TENM3: variants seen among roughly 807,000 people sequenced by gnomAD.
The protein encoded by TENM3 is teneurin-3.
In TENM3, 63 loss-of-function variants were observed where a neutral mutation model predicts 255.1. The ratio of observed to expected loss-of-function variants is 0.25; its 90% CI spans 0.20 to 0.30. TENM3 has a LOEUF of 0.30. Ranked by LOEUF, TENM3 falls within the 10% of genes least tolerant of loss-of-function variation. The pLI, the probability that TENM3 is intolerant of heterozygous loss-of-function variation, is 1.00. For missense variants in TENM3, 2,929 were observed against 3,461.1 expected (o/e 0.85, Z 3.86); for synonymous variants, 1,306 against 1,322.3 (o/e 0.99, Z 0.27).
the TENM3 span, among the ~76,000 whole-genome samples, chr4:181,851,471 C>CAA: frequency 3.3e-5 from 5 of 152,172 alleles, no homozygotes; most frequent in Non-Finnish European, 7.3e-5. Context: ...TGTGTCATTT[C>CAA]AAATCTGATG....
the TENM3 span, among the ~76,000 whole-genome samples, chr4:181,666,192 A>T: frequency 2.0e-5 from 3 of 152,216 alleles, no homozygotes; most frequent in Non-Finnish European, 4.4e-5. Flanking sequence ...TCTGGCAGAG[A>T]TTCATAAAAT....
intron 7 of TENM3, among the ~76,000 whole-genome samples, chr4:182,679,048 A>ACTG (rs1203360089): frequency 7.2e-5 from 11 of 152,146 alleles, no homozygotes; most frequent in East Asian, 3.9e-4. Flanking sequence ...ACATCACCCC[A>ACTG]GGGCCTGTCA....
At chr4:182,190,750 C>T (rs1283938452) in intron 1 of TENM3, among the ~76,000 whole-genome samples, 2 of 151,910 alleles carry the variant, frequency 1.3e-5, no homozygotes, top group African/African-American at 2.4e-5. Context: ...AGTGAAATAA[C>T]CCTGGCATAA....
chr4:181,710,586 G>A, the TENM3 span, among the ~76,000 whole-genome samples: 2 of 152,166 alleles, frequency 1.3e-5, no homozygotes, highest in East Asian at 2.0e-4. Flanking sequence ...ATGGTGGCAG[G>A]TGCCTGTAGT....
chr4:182,659,829 C>T lies in TENM3; in HGVS notation c.1111+5936C>T, dbSNP rs184600848. On this transcript the variant is annotated intron_variant, in intron 6 of 27. Coordinates refer to ENST00000511685, the MANE Select transcript of TENM3 (RefSeq NM_001080477.4). ...AGAAGCCTTTAAATGACTTACAAGG[C>T]TCTCCACAGCCTGGCTGTACATCAC... Among the ~76,000 whole-genome samples the T allele has an allele frequency of 1.6e-3, 239 of 152,292 alleles. 1 individual carries two copies. The highest frequency in any genetic ancestry group is 5.6e-3 in the African/African-American group (233 of 41,562).
At chr4:181,480,939 G>C in the TENM3 span, among the ~76,000 whole-genome samples, 1 of 151,340 alleles carries the variant, frequency 6.6e-6, no homozygotes, top group South Asian at 2.1e-4. Context: ...AAAGGGTGAA[G>C]GAAATAATTA....
the TENM3 span, among the ~76,000 whole-genome samples, chr4:181,617,206 A>G: frequency 1.3e-5 from 2 of 152,260 alleles, no homozygotes; most frequent in Non-Finnish European, 2.9e-5. Flanking sequence ...CAAATATTTC[A>G]TCATATTCAG....
chr4:181,979,867 T>G, the TENM3 span, among the ~76,000 whole-genome samples: 1,027 of 152,262 alleles, frequency 6.7e-3, 9 homozygotes, highest in African/African-American at 0.024. Flanking sequence ...GTTTGTTTGT[T>G]TGTTCGTTTT....
chr4:182,712,438 A>C (rs1397141661), intron 12 of TENM3, among the ~76,000 whole-genome samples: 4 of 152,004 alleles, frequency 2.6e-5, no homozygotes, highest in Non-Finnish European at 2.9e-5. Flanking sequence ...ATTAAAAAAA[A>C]AAAAAAAAAA....
chr4:182,129,125 A>G, the TENM3 span, among the ~76,000 whole-genome samples: 1 of 152,260 alleles, frequency 6.6e-6, no homozygotes, highest in Admixed American at 6.5e-5. Context: ...TGTGCAAAGT[A>G]TATGACTATT....
the TENM3 span, among the ~76,000 whole-genome samples, chr4:182,132,640 A>G: frequency 4.6e-5 from 7 of 152,244 alleles, no homozygotes; most frequent in Non-Finnish European, 1.0e-4. Flanking sequence ...TCTCAAAAGC[A>G]GACTCAAGCA....
At chr4:181,958,323 C>T in the TENM3 span, among the ~76,000 whole-genome samples, 2 of 152,170 alleles carry the variant, frequency 1.3e-5, no homozygotes, top group African/African-American at 4.8e-5. Context: ...ATTTTCAGGT[C>T]TTTTTGTTTG....
chr4:182,744,669 C>A (rs1383512451), intron 19 of TENM3, among the ~76,000 whole-genome samples: 1 of 152,064 alleles, frequency 6.6e-6, no homozygotes, highest in Non-Finnish European at 1.5e-5. Context: ...GTGAGAGGCC[C>A]CAAAACTGAA....
the TENM3 span, among the ~76,000 whole-genome samples, chr4:181,779,260 GTTATTTATTTAT>G: frequency 1.2e-4 from 17 of 141,258 alleles, no homozygotes; most frequent in South Asian, 1.4e-3. Context: ...TTTACTTTAA[GTTATTTATTTAT>G]TTATTTATTT....
intron 3 of TENM3, among the ~76,000 whole-genome samples, chr4:182,479,957 A>G (rs1734036555): frequency 6.6e-6 from 1 of 152,022 alleles, no homozygotes; most frequent in Non-Finnish European, 1.5e-5. Context: ...TAGAAAATAA[A>G]TGTATTTAGA....
At chr4:182,367,688 G>A (rs1305549208) in intron 3 of TENM3, among the ~76,000 whole-genome samples, 1 of 152,160 alleles carries the variant, frequency 6.6e-6, no homozygotes, top group Non-Finnish European at 1.5e-5. Context: ...AGTTAAAATA[G>A]ACTGTCATCT....
chr4:181,837,197 A>T, the TENM3 span, among the ~76,000 whole-genome samples: 1 of 151,994 alleles, frequency 6.6e-6, no homozygotes, highest in East Asian at 1.9e-4. Context: ...TTCCTCCCCA[A>T]TTTTTAAACT....
chr4:181,723,765 A>C, the TENM3 span, among the ~76,000 whole-genome samples: 2 of 152,140 alleles, frequency 1.3e-5, no homozygotes, highest in Non-Finnish European at 2.9e-5. Flanking sequence ...GGATTCTGGA[A>C]ATTTTATTGA....
the TENM3 span, among the ~76,000 whole-genome samples, chr4:181,934,708 A>G: frequency 6.6e-6 from 1 of 152,058 alleles, no homozygotes; most frequent in African/African-American, 2.4e-5. Context: ...TATTTTTTAA[A>G]CTCTAACAAT....
Sources: gnomAD v4.1 joint callset for allele counts (sites outside exome capture counted in the v4.1 genomes callset) on GRCh38, gnomAD v4.1.1 for gene constraint, MANE v1.5 for transcripts, NCBI Gene and HGNC (gene_info 2026-07-23, HGNC 2026-07-21) for gene names.